Variants in EYA2 observed in about 807,000 individuals in gnomAD.
EYA2 encodes EYA transcriptional coactivator and phosphatase 2.
EYA2 carries 31 observed loss-of-function variants against 69.2 expected under a neutral mutation model. That is an observed-to-expected ratio of 0.45 (90% CI 0.34 to 0.60). The LOEUF (loss-of-function observed/expected upper bound fraction) is 0.60, where lower values mean the gene tolerates loss of function less well. Ranked by LOEUF, EYA2 falls within the 20% of genes least tolerant of loss-of-function variation. EYA2 has a pLI of 0.02. For synonymous variants in EYA2, 257 were observed against 279.4 expected (o/e 0.92, Z 0.80); for missense variants, 622 against 701.2 (o/e 0.89, Z 1.28).
chr20:47,034,047 C>T (rs1481143079), intron 5 of EYA2, among the ~76,000 whole-genome samples: 1 of 152,192 alleles, frequency 6.6e-6, no homozygotes, highest in Non-Finnish European at 1.5e-5. Context: ...GGAAGGAAGT[C>T]TCTATTTGAT....
intron 10 of EYA2, among the ~76,000 whole-genome samples, chr20:47,159,854 G>A (rs1047284819): frequency 2.0e-5 from 3 of 152,010 alleles, no homozygotes; most frequent in African/African-American, 7.2e-5. Context: ...GCCAGGCATG[G>A]TGGCGCATGC....
chr20:46,922,201 ACAGGAGTG>A (rs1170708558), intron 1 of EYA2, among the ~76,000 whole-genome samples: 6 of 152,200 alleles, frequency 3.9e-5, no homozygotes, highest in Admixed American at 3.9e-4. Context: ...ACCCCGGAGG[ACAGGAGTG>A]CTAATTGATT....
chr20:47,029,880 G>GA (rs930061376), intron 5 of EYA2, among the ~76,000 whole-genome samples: 15 of 151,968 alleles, frequency 9.9e-5, no homozygotes, highest in African/African-American at 3.4e-4. Context: ...TTAAAGCCCT[G>GA]AAAAAAAATT....
At position 47,183,343 on chromosome 20, in the gene EYA2, C is replaced by T. The variant is rs199990649; in HGVS notation, c.1488C>T (p.Val496=). The T allele has an allele frequency of 6.2e-7, 1 of 1,614,126 alleles. No homozygotes were observed. The highest frequency in any genetic ancestry group is 1.7e-5 in the Admixed American group (1 of 60,016). The part of the protein sequence containing the change: ...RIMQRFGRKA[V]YVVIGDGVEE... The stretch of plus-strand genomic sequence containing the variant: ...TGCAGAGATTCGGCAGAAAAGCTGT[C>T]TACGTGGTGATCGGTGATGGTGTGG... Residue 496 remains valine, a synonymous_variant, in exon 15 of 16, where the codon GTC becomes GTT. Coordinates refer to ENST00000327619, the MANE Select transcript of EYA2 (RefSeq NM_005244.5).
At chr20:47,132,354 T>G (rs758723198) in intron 9 of EYA2, among the ~76,000 whole-genome samples, 1 of 152,246 alleles carries the variant, frequency 6.6e-6, no homozygotes, top group Non-Finnish European at 1.5e-5. Context: ...GTTCCAAGAA[T>G]GGCCCTAGTT....
intron 1 of EYA2, among the ~76,000 whole-genome samples, chr20:46,956,372 T>C (rs998765977): frequency 6.6e-6 from 1 of 152,220 alleles, no homozygotes; most frequent in Non-Finnish European, 1.5e-5. Context: ...AAATAAACCC[T>C]ATATTCTCAG....
rs1457155525 is a variant in EYA2, at chr20:47,072,057, A to G, written c.416-128A>G. 5 of 829,688 alleles carry G rather than the reference A, an allele frequency of 6.0e-6. No homozygotes were observed. The East Asian group carries it at 1.2e-4, about 20-fold the overall frequency. The allele number at this position is 829,688 out of a possible 1,614,324, so 51.4% of individuals were successfully genotyped here. On this transcript the variant is annotated intron_variant, in intron 5 of 15. Transcript: ENST00000327619. The stretch of plus-strand genomic sequence containing the variant: ...CTGGTGTGAGGCATTACCACTAGGA[A>G]CCAGAGCTTCTGCCCAGCTGTCACC...
chr20:46,985,876 C>G (rs1362426242), intron 1 of EYA2, among the ~76,000 whole-genome samples: 1 of 152,054 alleles, frequency 6.6e-6, no homozygotes, highest in African/African-American at 2.4e-5. Context: ...GTGGGGAAAA[C>G]AATTCATTTT....
rs752607312 is a variant in EYA2, at chr20:46,959,214, CCTGA to C, written c.-10-30782_-10-30779del. ...TGGATGAGTAATATGTGCAGAATGA[CCTGA>C]CTGAGTCACAAAGACCTTTCTGGTT... On this transcript the variant is annotated intron_variant, in intron 1 of 15. Coordinates refer to ENST00000327619, the MANE Select transcript of EYA2 (RefSeq NM_005244.5). 6.6e-5 allele frequency among the ~76,000 whole-genome samples: 10 copies of C among 152,296 alleles called. No homozygotes were observed. In the East Asian group the frequency reaches 1.4e-3, roughly 21 times the overall value.
intron 10 of EYA2, among the ~76,000 whole-genome samples, chr20:47,168,825 T>C (rs2034259174): frequency 6.6e-6 from 1 of 152,154 alleles, no homozygotes; most frequent in African/African-American, 2.4e-5. Context: ...GGAGTCCTGG[T>C]TTGAACCTAT....
chr20:46,993,669 A>T (rs190146266), intron 2 of EYA2, among the ~76,000 whole-genome samples: 1 of 152,380 alleles, frequency 6.6e-6, no homozygotes, highest in Admixed American at 6.5e-5. Flanking sequence ...CAAAGCAAAA[A>T]GCTGACAATG....
intron 1 of EYA2, among the ~76,000 whole-genome samples, chr20:46,900,087 T>G (rs1730298301): frequency 6.6e-6 from 1 of 152,204 alleles, no homozygotes; most frequent in Non-Finnish European, 1.5e-5. Context: ...ACTTTCTTCT[T>G]CTTTTTTCCT....
intron 15 of EYA2, among the ~76,000 whole-genome samples, chr20:47,187,043 C>T (rs2034656424): frequency 6.9e-6 from 1 of 145,436 alleles, no homozygotes; most frequent in African/African-American, 2.6e-5. Context: ...CAAACTGAGA[C>T]TCCATCTCTA....
intron 9 of EYA2, among the ~76,000 whole-genome samples, chr20:47,131,711 C>T (rs549201415): frequency 6.6e-6 from 1 of 152,302 alleles, no homozygotes; most frequent in African/African-American, 2.4e-5. Flanking sequence ...GCAGCTAACA[C>T]AAGCAAGGAA....
At chr20:47,068,239 A>G (rs1052046923) in intron 5 of EYA2, among the ~76,000 whole-genome samples, 9 of 152,350 alleles carry the variant, frequency 5.9e-5, no homozygotes, top group South Asian at 4.1e-4. Context: ...AAAGCACTCA[A>G]TAATCTCAGT....
chr20:47,103,867 G>A (rs1021817841), intron 9 of EYA2, among the ~76,000 whole-genome samples: 1 of 152,208 alleles, frequency 6.6e-6, no homozygotes, highest in Non-Finnish European at 1.5e-5. Flanking sequence ...GATAGTTGAA[G>A]TTTGGGCCAT....
rs1258664018 is a variant in EYA2 at position 47,113,867 on chromosome 20, T to TG, written c.888+16699_888+16700insG. Among the ~76,000 whole-genome samples, 20 of 151,840 alleles carry TG rather than the reference T, an allele frequency of 1.3e-4. No homozygotes were observed. In the South Asian group the frequency reaches 1.7e-3, roughly 13 times the overall value. ...AAATTCCTAGATGGGTTTTTTTTTT[T>TG]TGTGGATATGCTGTGGTTTCAAGGG... On this transcript the variant is annotated intron_variant, in intron 9 of 15. Coordinates refer to ENST00000327619, the MANE Select transcript of EYA2 (RefSeq NM_005244.5).
At chr20:47,075,255 G>A (rs1314926773) in intron 7 of EYA2, among the ~76,000 whole-genome samples, 1 of 152,176 alleles carries the variant, frequency 6.6e-6, no homozygotes, top group Non-Finnish European at 1.5e-5. Flanking sequence ...CCTTTAGTTT[G>A]GGAAATAAAG....
chr20:46,987,964 C>CTCTCTCTCTCTCTCTCTATATATA (rs1555809797), intron 1 of EYA2, among the ~76,000 whole-genome samples: 2 of 11,282 alleles, frequency 1.8e-4, no homozygotes, highest in Non-Finnish European at 1.7e-4. Flanking sequence ...CTCTCTCTCT[C>CTCTCTCTCTCTCTCTCTATATATA]TATATATATA....
Sources: gnomAD v4.1 joint callset for allele counts (sites outside exome capture counted in the v4.1 genomes callset) on GRCh38, gnomAD v4.1.1 for gene constraint, MANE v1.5 for transcripts, NCBI Gene and HGNC (gene_info 2026-07-23, HGNC 2026-07-21) for gene names.